Variants in ARHGAP32 observed in about 807,000 individuals in gnomAD.
ARHGAP32 encodes rho GTPase-activating protein 32.
Under a neutral mutation model 186.5 loss-of-function variants are expected in ARHGAP32, and 51 were observed. That is an observed-to-expected ratio of 0.27 (90% CI 0.22 to 0.35). ARHGAP32 has a LOEUF of 0.35. Among genes scored for constraint, ARHGAP32 ranks in the 10% least tolerant of loss-of-function variants. The pLI is 1.00. For missense variants in ARHGAP32, 2,186 were observed against 2,623.5 expected (o/e 0.83, Z 3.64); for synonymous variants, 950 against 964.3 (o/e 0.99, Z 0.27).
intron 1 of ARHGAP32, among the ~76,000 whole-genome samples, chr11:129,176,860 C>G (rs1334706626): frequency 6.6e-6 from 1 of 152,172 alleles, no homozygotes; most frequent in African/African-American, 2.4e-5. Context: ...GACACCCTAA[C>G]ATCACAATTA....
At chr11:129,262,090 A>G (rs952269049) in intron 1 of ARHGAP32, among the ~76,000 whole-genome samples, 3 of 152,194 alleles carry the variant, frequency 2.0e-5, no homozygotes, top group African/African-American at 7.2e-5. Context: ...TTCACGAACA[A>G]TATTTACTTA....
intron 2 of ARHGAP32, among the ~76,000 whole-genome samples, chr11:129,157,082 C>T (rs11530619): frequency 2.0e-5 from 3 of 152,276 alleles, no homozygotes; most frequent in East Asian, 3.9e-4. Context: ...AAGTTACCAA[C>T]ATCAAACACC....
At position 129,199,205 on chromosome 11, in the gene ARHGAP32, G is replaced by C. The variant is rs139967056; in HGVS notation, c.-4-34778C>G. Among the ~76,000 whole-genome samples, 86 of 152,340 alleles carry C rather than the reference G, an allele frequency of 5.6e-4. 3 individuals are homozygous for C. The East Asian group carries it at 0.014, about 25-fold the overall frequency. On this transcript the variant is annotated intron_variant, in intron 1 of 6. Coordinates refer to the ARHGAP32 transcript ENST00000525234. ...TAAAAGTTCAGAAAATTTGCAGCCT[G>C]ACCATGCAACAGAAAAGAAAAACCC...
At chr11:129,014,989 ATATATC>A (rs1307141879) in intron 11 of ARHGAP32, among the ~76,000 whole-genome samples, 1 of 152,196 alleles carries the variant, frequency 6.6e-6, no homozygotes, top group African/African-American at 2.4e-5. Context: ...AAGCACGACA[ATATATC>A]TATTCACGCT....
intron 12 of ARHGAP32, 54 bp downstream of exon 12, chr11:128,998,265 C>A: frequency 7.2e-7 from 1 of 1,397,508 alleles, no homozygotes; most frequent in Admixed American, 2.5e-5. Context: ...TTATAGCAAA[C>A]CAATATGGAG....
intron 11 of ARHGAP32, among the ~76,000 whole-genome samples, chr11:129,029,882 G>C (rs1200320851): frequency 2.7e-5 from 4 of 150,480 alleles, no homozygotes; most frequent in Non-Finnish European, 5.9e-5. Flanking sequence ...AAGCTCACAG[G>C]GTTGTGACCA....
chr11:129,101,701 T>C lies in ARHGAP32; in HGVS notation c.445-7994A>G, dbSNP rs190620588. 4.4e-4 allele frequency among the ~76,000 whole-genome samples: 67 copies of C among 151,636 alleles called. 1 individual carries two copies. In the East Asian group the frequency reaches 6.6e-3, roughly 15 times the overall value. On this transcript the variant is annotated intron_variant, in intron 5 of 22. Transcript: ENST00000682385. ...AATAAAACCTCCAAGAAATATGGGA[T>C]TGTGTAAAGAGACCAAATCTACAAC...
At chr11:129,114,848 G>GT (rs1942320367) in intron 5 of ARHGAP32, among the ~76,000 whole-genome samples, 1 of 151,966 alleles carries the variant, frequency 6.6e-6, no homozygotes. Context: ...AATTAGTGTT[G>GT]TTAGGATCTT....
intron 11 of ARHGAP32, among the ~76,000 whole-genome samples, chr11:129,031,882 C>A (rs963065883): frequency 6.6e-6 from 1 of 152,158 alleles, no homozygotes; most frequent in East Asian, 1.9e-4. Flanking sequence ...AGAGAAGCAG[C>A]CGGACGTTTG....
At chr11:128,992,129 T>C (rs1448541728) in intron 12 of ARHGAP32, among the ~76,000 whole-genome samples, 2 of 152,202 alleles carry the variant, frequency 1.3e-5, no homozygotes, top group Non-Finnish European at 2.9e-5. Flanking sequence ...GATTAATTTC[T>C]GGTGTTATCT....
At chr11:129,235,468 C>T (rs1282585163) in intron 1 of ARHGAP32, among the ~76,000 whole-genome samples, 2 of 152,174 alleles carry the variant, frequency 1.3e-5, no homozygotes, top group African/African-American at 2.4e-5. Flanking sequence ...TAAGTTTGCA[C>T]CATTTTTGGT....
chr11:129,016,490 C>T (rs1377796814), intron 11 of ARHGAP32, among the ~76,000 whole-genome samples: 1 of 152,250 alleles, frequency 6.6e-6, no homozygotes. Context: ...AACTATTCTG[C>T]CATCTTTAAT....
At chr11:129,147,224 T>C (rs896810188) in intron 2 of ARHGAP32, among the ~76,000 whole-genome samples, 2 of 152,072 alleles carry the variant, frequency 1.3e-5, no homozygotes, top group African/African-American at 4.8e-5. Flanking sequence ...TAATGAGATG[T>C]TAAAATGTAT....
chr11:129,023,948 C>T, intron 11 of ARHGAP32: 2 of 985,356 alleles, frequency 2.0e-6, no homozygotes, highest in Non-Finnish European at 2.4e-6. Context: ...TACAACAGCT[C>T]TGCATTCCGT....
intron 1 of ARHGAP32, among the ~76,000 whole-genome samples, chr11:129,232,023 CAAAAAAAAAAAAAAAAAA>C (rs71057935): frequency 1.5e-5 from 1 of 64,552 alleles, no homozygotes; most frequent in Non-Finnish European, 2.7e-5. Flanking sequence ...GAGACGGACT[CAAAAAAAAAAAAAAAAAA>C]AAAAAAAAAG....
chr11:129,063,130 G>A (rs1940568598), intron 9 of ARHGAP32, among the ~76,000 whole-genome samples: 1 of 145,486 alleles, frequency 6.9e-6, no homozygotes, highest in African/African-American at 2.5e-5. Flanking sequence ...ATACTATAGA[G>A]CTTTAGGAAT....
intron 1 of ARHGAP32, among the ~76,000 whole-genome samples, chr11:129,172,729 A>G (rs913395212): frequency 6.6e-6 from 1 of 152,218 alleles, no homozygotes; most frequent in Admixed American, 6.5e-5. Flanking sequence ...AGAAATCAGG[A>G]AGTTCTTTGA....
intron 1 of ARHGAP32, among the ~76,000 whole-genome samples, chr11:129,231,842 T>A (rs554403086): frequency 6.6e-6 from 1 of 151,500 alleles, no homozygotes; most frequent in Non-Finnish European, 1.5e-5. Context: ...CTGGGCAACA[T>A]TGAGAAGCCC....
intron 6 of ARHGAP32, among the ~76,000 whole-genome samples, chr11:129,074,735 G>T (rs1485647844): frequency 6.6e-6 from 1 of 151,998 alleles, no homozygotes; most frequent in Non-Finnish European, 1.5e-5. Flanking sequence ...CACATGATCC[G>T]CTCGCCTTGG....
Sources: allele counts gnomAD v4.1 joint callset (sites outside exome capture counted in the v4.1 genomes callset), GRCh38; gene constraint gnomAD v4.1.1; transcripts MANE v1.5; gene names NCBI Gene and HGNC (gene_info 2026-07-23, HGNC 2026-07-21).